SC5D: variants seen among roughly 807,000 people sequenced by gnomAD.
SC5D encodes the protein sterol-C5-desaturase.
A neutral mutation model predicts 23.9 loss-of-function variants in SC5D; 21 were observed. The ratio of observed to expected loss-of-function variants is 0.88; its 90% confidence interval spans 0.62 to 1.26. The LOEUF is 1.26. SC5D is among the 50% of genes most tolerant of loss of function. SC5D has a pLI of 0.00. For missense variants in SC5D, 309 were observed against 364.8 expected (o/e 0.85, Z 1.25); for synonymous variants, 113 against 125.9 (o/e 0.90, Z 0.68).
chr11:121,307,146 A>G lies in SC5D; in HGVS notation c.534A>G (p.Leu178=), dbSNP rs905103821. 1 of 1,614,096 alleles carries G rather than the reference A, an allele frequency of 6.2e-7. No homozygotes were observed. Among genetic ancestry groups the G allele is most frequent in the Non-Finnish European group, 8.5e-7 (1 of 1,179,978 alleles). The change falls in exon 5 of 5, where the codon CTA becomes CTG. Residue 178 remains leucine (L), a synonymous_variant. Transcript: ENST00000264027. ...CTATTGATGGCTTTCTTCAGAGTCT[A>G]CCTTACCATATATACCCTTTTATCT... ...FHPIDGFLQS[L]PYHIYPFIFP...
rs768994220 is a variant in SC5D, at chr11:121,306,373, T to A, written c.344-13T>A. ...TGAGTTTTGATTCTTCTGTTTCCCGTTTTCTTTTCTAGGATTGTTTGAACT... is the reference window on the plus strand; with the variant it reads ...TGAGTTTTGATTCTTCTGTTTCCCGATTTCTTTTCTAGGATTGTTTGAACT... On this transcript the variant is annotated splice_polypyrimidine_tract_variant and intron_variant, in intron 3 of 4. Transcript: ENST00000264027. The A allele has an allele frequency of 7.4e-7, 1 of 1,351,454 alleles. No individual in the cohort carries two copies. 83.7% of individuals were successfully genotyped at this position (1,351,454 alleles called of 1,614,324 possible). A position where few individuals can be genotyped will look rare whatever the true frequency, so the allele number is the denominator to read the frequency against.
rs1948025102 is a variant in SC5D, at chr11:121,313,229, CT to C, written c.*5720del. 6.6e-6 allele frequency among the ~76,000 whole-genome samples: 1 copy of C among 152,146 alleles called. No individual in the cohort carries two copies. The highest frequency in any genetic ancestry group is 1.5e-5 in the Non-Finnish European group (1 of 68,004). On this transcript the variant is annotated 3_prime_UTR_variant, in exon 5 of 5. Transcript: ENST00000264027. ...TAGTATATACTCTTGTGTTTAGTTT[CT>C]TTAGCTTAACATGTTTAGAGATATT...
intron 1 of SC5D, among the ~76,000 whole-genome samples, chr11:121,298,164 A>C (rs1418637141): frequency 1.3e-5 from 2 of 151,770 alleles, no homozygotes; most frequent in Non-Finnish European, 2.9e-5. Flanking sequence ...ACGCCCGGCT[A>C]ATTTTTGTAT....
Position 121,304,682 on chromosome 11 carries a change from CTG to C in SC5D, c.343+190_343+191del, listed in dbSNP as rs113741549. ...GCATTTCTTTAGTTTTTCTATCAATCTGAAAGTCTGCTGTAGATGAGATTGTG... is the reference window on the plus strand; with the variant it reads ...GCATTTCTTTAGTTTTTCTATCAATCAAAGTCTGCTGTAGATGAGATTGTG... On this transcript the variant is annotated intron_variant, in intron 3 of 4. Transcript: ENST00000264027. 51,771 of 556,932 alleles carry C rather than the reference CTG, an allele frequency of 0.093. 3,665 individuals are homozygous for C. Among genetic ancestry groups the C allele is most frequent in the East Asian group, 0.28 (8,420 of 30,532 alleles). 34.5% of individuals were successfully genotyped at this position (556,932 alleles called of 1,614,324 possible). A position where few individuals can be genotyped will look rare whatever the true frequency, so the allele number is the denominator to read the frequency against.
intron 1 of SC5D, among the ~76,000 whole-genome samples, chr11:121,301,933 TAACA>T (rs1947929004): frequency 6.6e-6 from 1 of 152,136 alleles, no homozygotes; most frequent in African/African-American, 2.4e-5. Flanking sequence ...CATCTTACAT[TAACA>T]AACACCGTAA....
chr11:121,311,324 T>A lies in SC5D; in HGVS notation c.*3812T>A, dbSNP rs1591507488. 1.3e-5 allele frequency among the ~76,000 whole-genome samples: 2 copies of A among 152,244 alleles called. No individual in the cohort carries two copies. Among genetic ancestry groups the A allele is most frequent in the Non-Finnish European group, 2.9e-5 (2 of 68,046 alleles). On this transcript the variant is annotated 3_prime_UTR_variant, in exon 5 of 5. Coordinates refer to ENST00000264027, the MANE Select transcript of SC5D (RefSeq NM_006918.5). ...GTCTTTTTGGCCAACCATTTTTTTA[T>A]CATTTATTCATTAGCTGACATTTGC... is the stretch of plus-strand genomic sequence containing the variant.
intron 1 of SC5D, among the ~76,000 whole-genome samples, chr11:121,300,236 A>G (rs936483562): frequency 1.3e-5 from 2 of 152,242 alleles, no homozygotes; most frequent in African/African-American, 4.8e-5. Context: ...CCTTTATTTG[A>G]GAAAAGTAGT....
At position 121,310,723 on chromosome 11, in the gene SC5D, G is replaced by A. The variant is rs922218420; in HGVS notation, c.*3211G>A. ...GATCTGCCTGCCTCGGCCTCCCAAAGTGCTGGGATTATAGGTGTGAGCCAC... is the reference window on the plus strand; with the variant it reads ...GATCTGCCTGCCTCGGCCTCCCAAAATGCTGGGATTATAGGTGTGAGCCAC... On this transcript the variant is annotated 3_prime_UTR_variant, in exon 5 of 5. Coordinates refer to ENST00000264027, the MANE Select transcript of SC5D (RefSeq NM_006918.5). Among the ~76,000 whole-genome samples, 1 of 151,960 alleles carries A rather than the reference G, an allele frequency of 6.6e-6. No individual in the cohort carries two copies. Among genetic ancestry groups the A allele is most frequent in the African/African-American group, 2.4e-5 (1 of 41,366 alleles).
chr11:121,299,647 T>TG (rs1403113299), intron 1 of SC5D, among the ~76,000 whole-genome samples: 1 of 152,224 alleles, frequency 6.6e-6, no homozygotes, highest in Non-Finnish European at 1.5e-5. Flanking sequence ...CCTAGCACTT[T>TG]GGGAGGCTGA....
At chr11:121,300,280 T>C (rs1392522122) in intron 1 of SC5D, among the ~76,000 whole-genome samples, 1 of 152,228 alleles carries the variant, frequency 6.6e-6, no homozygotes, top group Admixed American at 6.5e-5. Flanking sequence ...CTTTGGACAT[T>C]TTCCGTCCTT....
intron 1 of SC5D, among the ~76,000 whole-genome samples, chr11:121,296,572 C>A (rs751602412): frequency 3.9e-5 from 6 of 152,188 alleles, no homozygotes; most frequent in African/African-American, 9.6e-5. Context: ...GTTGTGTTGT[C>A]TTTTCTGATC....
At chr11:121,293,174 T>C (rs1387360086) in intron 1 of SC5D, 1 of 152,320 alleles carries the variant, frequency 6.6e-6, no homozygotes, top group Non-Finnish European at 1.5e-5. Flanking sequence ...CGGAGGGGCC[T>C]TCCGCTCGCG....
chr11:121,303,062 A>G (rs1335307947), intron 1 of SC5D, among the ~76,000 whole-genome samples: 1 of 152,122 alleles, frequency 6.6e-6, no homozygotes, highest in African/African-American at 2.4e-5. Context: ...CGCGGTAGGG[A>G]ATGACACTGA....
At chr11:121,296,673 A>G (rs1052740888) in intron 1 of SC5D, among the ~76,000 whole-genome samples, 2 of 152,164 alleles carry the variant, frequency 1.3e-5, no homozygotes, top group African/African-American at 4.8e-5. Flanking sequence ...ACTGATTTAG[A>G]CTGTGTCTGT....
intron 1 of SC5D, among the ~76,000 whole-genome samples, chr11:121,301,949 G>T (rs1215652418): frequency 6.6e-6 from 1 of 152,072 alleles, no homozygotes; most frequent in Non-Finnish European, 1.5e-5. Flanking sequence ...ACACCGTAAG[G>T]ATTCTCAGGA....
chr11:121,298,701 A>G (rs1947906090), intron 1 of SC5D, among the ~76,000 whole-genome samples: 1 of 152,178 alleles, frequency 6.6e-6, no homozygotes, highest in South Asian at 2.1e-4. Context: ...AAGGTTTCTA[A>G]ATGCACATAA....
chr11:121,304,209 A>G (rs959457279), intron 2 of SC5D, 152 bp from the exon 3 acceptor site: 46 of 654,034 alleles, frequency 7.0e-5, no homozygotes, highest in Non-Finnish European at 1.2e-4. Flanking sequence ...TTACATACCT[A>G]TTTTTATGTA....
chr11:121,308,878 T>G lies in SC5D; in HGVS notation c.*1366T>G, dbSNP rs1393058459. On this transcript the variant is annotated 3_prime_UTR_variant, in exon 5 of 5. Transcript: ENST00000264027. Reference sequence around the variant, plus strand: ...GTCTGGGATCCAGAAGAAAATGTCTTTAATCTGTGAGTTATTGTCACAATG... The same window carrying G: ...GTCTGGGATCCAGAAGAAAATGTCTGTAATCTGTGAGTTATTGTCACAATG... Among the ~76,000 whole-genome samples the G allele has an allele frequency of 6.6e-6, 1 of 152,254 alleles. No individual in the cohort carries two copies. The highest frequency in any genetic ancestry group is 1.5e-5 in the Non-Finnish European group (1 of 68,044).
rs1290240468 is a variant in SC5D at position 121,309,254 on chromosome 11, T to C, written c.*1742T>C. ...TTTCTCTCAGTCCATAGAGCCCTCT[T>C]TGTTGAAAGAGCACATAGGAAAAGA... On this transcript the variant is annotated 3_prime_UTR_variant, in exon 5 of 5. Transcript: ENST00000264027. 6.6e-6 allele frequency among the ~76,000 whole-genome samples: 1 copy of C among 152,204 alleles called. No individual in the cohort carries two copies. The highest frequency in any genetic ancestry group is 1.5e-5 in the Non-Finnish European group (1 of 68,030).
Sources: gnomAD v4.1 joint callset for allele counts (sites outside exome capture counted in the v4.1 genomes callset) on GRCh38, gnomAD v4.1.1 for gene constraint, MANE v1.5 for transcripts, NCBI Gene and HGNC (gene_info 2026-07-23, HGNC 2026-07-21) for gene names.